Variants in NOX4 observed in about 807,000 individuals in gnomAD.
NOX4 encodes NADPH oxidase 4.
In NOX4, 69 loss-of-function variants were observed where a neutral mutation model predicts 87.6. The ratio of observed to expected loss-of-function variants is 0.79; its 90% CI spans 0.65 to 0.96. The LOEUF is 0.96. Ranked by LOEUF, NOX4 falls within the 40% of genes least tolerant of loss-of-function variation. The pLI, the probability that NOX4 is intolerant of heterozygous loss-of-function variation, is 0.00. For missense variants in NOX4, 680 were observed against 681.5 expected (o/e 1.00, Z 0.02); for synonymous variants, 275 against 238.2 (o/e 1.15, Z -1.42).
At chr11:89,503,141 C>T (rs1487158567), upstream of NOX4, among the ~76,000 whole-genome samples, 3 of 151,950 alleles carry the variant, frequency 2.0e-5, no homozygotes, top group Admixed American at 6.6e-5. Context: ...TGGACAGGCA[C>T]TTGTTAGCAA....
the NOX4 span, among the ~76,000 whole-genome samples, chr11:89,566,962 C>T: frequency 3.9e-5 from 6 of 152,130 alleles, no homozygotes; most frequent in Admixed American, 2.6e-4. Context: ...AAGTGTCAGC[C>T]TTTGGGGCTG....
intron 11 of NOX4, among the ~76,000 whole-genome samples, chr11:89,378,391 A>C (rs1940020081): frequency 6.6e-6 from 1 of 152,140 alleles, no homozygotes; most frequent in South Asian, 2.1e-4. Flanking sequence ...TTTCATAAAG[A>C]TATCCTAATT....
At chr11:89,521,058 A>G in the NOX4 span, among the ~76,000 whole-genome samples, 1 of 152,196 alleles carries the variant, frequency 6.6e-6, no homozygotes, top group Non-Finnish European at 1.5e-5. Flanking sequence ...AACAAATGGA[A>G]AAACATTTCA....
chr11:89,514,507 T>C, the NOX4 span, among the ~76,000 whole-genome samples: 2 of 152,028 alleles, frequency 1.3e-5, no homozygotes, highest in Non-Finnish European at 2.9e-5. Context: ...TCTTCATAAC[T>C]AGTTTTTCTG....
chr11:89,404,306 C>A (rs533525315), intron 8 of NOX4, among the ~76,000 whole-genome samples: 2 of 152,280 alleles, frequency 1.3e-5, no homozygotes, highest in East Asian at 3.9e-4. Flanking sequence ...AAACCCCAAG[C>A]ATTTATTCTA....
intron 13 of NOX4, among the ~76,000 whole-genome samples, chr11:89,348,795 AC>A (rs746358715): frequency 3.9e-5 from 6 of 152,176 alleles, no homozygotes; most frequent in Non-Finnish European, 2.9e-5. Flanking sequence ...GAGGGGCCAA[AC>A]AAATCTGGAT....
At chr11:89,414,041 T>A (rs1433401606) in intron 8 of NOX4, among the ~76,000 whole-genome samples, 2 of 152,080 alleles carry the variant, frequency 1.3e-5, no homozygotes, top group Admixed American at 6.6e-5. Flanking sequence ...AATATTTCTC[T>A]TCTAATAGGT....
chr11:89,473,620 C>A (rs1439268996), intron 2 of NOX4, among the ~76,000 whole-genome samples: 2 of 152,030 alleles, frequency 1.3e-5, no homozygotes, highest in East Asian at 3.9e-4. Flanking sequence ...TAAGCATAGC[C>A]TACTTAAACA....
the NOX4 span, among the ~76,000 whole-genome samples, chr11:89,564,497 T>C: frequency 2.0e-5 from 3 of 152,168 alleles, no homozygotes; most frequent in East Asian, 3.9e-4. Context: ...TCCTTCAACA[T>C]GGGAGATTAT....
chr11:89,431,365 A>G (rs756908546), intron 7 of NOX4, among the ~76,000 whole-genome samples: 5 of 152,210 alleles, frequency 3.3e-5, no homozygotes, highest in Non-Finnish European at 7.3e-5. Flanking sequence ...GGATCTAATT[A>G]AACTAAAGAG....
intron 13 of NOX4, among the ~76,000 whole-genome samples, chr11:89,347,942 G>C (rs1243718358): frequency 6.6e-6 from 1 of 152,092 alleles, no homozygotes; most frequent in Admixed American, 6.6e-5. Context: ...ATCCTTTCAT[G>C]GGTCTTCATT....
intron 17 of NOX4, among the ~76,000 whole-genome samples, chr11:89,330,609 C>T (rs1945427454): frequency 7.0e-6 from 1 of 143,566 alleles, no homozygotes; most frequent in African/African-American, 2.6e-5. Flanking sequence ...AACCAACAAC[C>T]TAAAGCAATT....
the NOX4 span, among the ~76,000 whole-genome samples, chr11:89,526,072 A>G: frequency 1.3e-5 from 2 of 152,162 alleles, no homozygotes; most frequent in Non-Finnish European, 2.9e-5. Context: ...CTTTATGTCA[A>G]TAACACATTG....
chr11:89,477,238 G>GA (rs753411503), intron 2 of NOX4, among the ~76,000 whole-genome samples: 12 of 152,104 alleles, frequency 7.9e-5, no homozygotes, highest in Non-Finnish European at 1.6e-4. Context: ...GGGGTGACAG[G>GA]AGACAGTGAC....
At chr11:89,375,713 C>T (rs1485290619) in intron 11 of NOX4, among the ~76,000 whole-genome samples, 1 of 152,184 alleles carries the variant, frequency 6.6e-6, no homozygotes, top group Admixed American at 6.5e-5. Flanking sequence ...CTATATACTA[C>T]TGAAGGCTGA....
At chr11:89,539,364 G>C in the NOX4 span, among the ~76,000 whole-genome samples, 1 of 152,004 alleles carries the variant, frequency 6.6e-6, no homozygotes, top group Admixed American at 6.6e-5. Context: ...CCCAGGAGTA[G>C]GAGGTTGCAG....
At chr11:89,438,499 G>T (rs558612973) in intron 6 of NOX4, among the ~76,000 whole-genome samples, 1 of 72,764 alleles carries the variant, frequency 1.4e-5, no homozygotes, top group Non-Finnish European at 2.1e-5. Flanking sequence ...ATAATATACA[G>T]CATATATATT....
chr11:89,487,176 C>T (rs1386701807), intron 2 of NOX4, among the ~76,000 whole-genome samples: 1 of 152,140 alleles, frequency 6.6e-6, no homozygotes, highest in African/African-American at 2.4e-5. Flanking sequence ...AATCCTAGCT[C>T]TGACACTGAC....
At chr11:89,443,912 T>C in intron 5 of NOX4, 1 of 480,950 alleles carries the variant, frequency 2.1e-6, no homozygotes, top group East Asian at 3.5e-5. Context: ...CATTGCAATA[T>C]AAAAAGTAGA....
Sources: gnomAD v4.1 joint callset for allele counts (sites outside exome capture counted in the v4.1 genomes callset) on GRCh38, gnomAD v4.1.1 for gene constraint, MANE v1.5 for transcripts, NCBI Gene and HGNC (gene_info 2026-07-23, HGNC 2026-07-21) for gene names.